The following AGBL1 variants were observed in gnomAD, a reference collection of about 807,000 sequenced individuals.
AGBL1 encodes cytosolic carboxypeptidase 4.
Under a neutral mutation model 118.9 loss-of-function variants are expected in AGBL1, and 130 were observed. The observed-to-expected ratio is 1.09, with a 90% CI of 0.95 to 1.26. The LOEUF (loss-of-function observed/expected upper bound fraction) is 1.26. AGBL1 is among the 50% of genes most tolerant of loss of function. The probability of loss-of-function intolerance (pLI) is 0.00; values close to 1 mark genes in which losing one functional copy is unlikely to be tolerated. For missense variants in AGBL1, 1,584 were observed against 1,298.1 expected, an observed-to-expected ratio of 1.22 and a Z score of -3.38; for synonymous variants, 555 against 478.9, an observed-to-expected ratio of 1.16 and a Z score of -2.08.
At chr15:86,200,412 G>A (rs978565286) in intron 5 of AGBL1, among the ~76,000 whole-genome samples, 1 of 152,028 alleles carries the variant, frequency 6.6e-6, no homozygotes, top group Non-Finnish European at 1.5e-5. Context: ...GCATTTTTCT[G>A]TACAACAGTG....
intron 17 of AGBL1, among the ~76,000 whole-genome samples, chr15:86,359,557 A>ATTT (rs146375579): frequency 2.7e-5 from 4 of 148,432 alleles, no homozygotes; most frequent in Non-Finnish European, 6.0e-5. Context: ...TTTTAGGACA[A>ATTT]TTTTTTTTTT....
At chr15:86,397,275 T>C (rs1386520949) in intron 17 of AGBL1, 91 bp from the exon 18 acceptor site, 4 of 898,536 alleles carry the variant, frequency 4.5e-6, no homozygotes, top group Non-Finnish European at 6.2e-6. Flanking sequence ...TAAAAATTAG[T>C]ATCAAAGAAG....
chr15:86,885,745 A>G (rs547243452), intron 22 of AGBL1, among the ~76,000 whole-genome samples: 95 of 152,324 alleles, frequency 6.2e-4, no homozygotes, highest in Non-Finnish European at 1.1e-3. Flanking sequence ...TCCAGAGTCA[A>G]TGGTAGGTGG....
chr15:86,247,081 A>G (rs138784400), intron 6 of AGBL1, among the ~76,000 whole-genome samples: 4 of 152,354 alleles, frequency 2.6e-5, no homozygotes, highest in African/African-American at 9.6e-5. Context: ...ACATAACCCC[A>G]GTTTATCAAA....
At chr15:86,292,524 G>C (rs116576360) in intron 16 of AGBL1, among the ~76,000 whole-genome samples, 97 of 152,304 alleles carry the variant, frequency 6.4e-4, no homozygotes, top group Middle Eastern at 3.4e-3. Flanking sequence ...TACAAAATTT[G>C]TGATGATTCC....
intron 22 of AGBL1, among the ~76,000 whole-genome samples, chr15:86,810,170 A>G (rs1449287863): frequency 1.3e-5 from 2 of 152,126 alleles, no homozygotes; most frequent in East Asian, 1.9e-4. Context: ...TTTCCTCGGG[A>G]CTAAGTAGAT....
intron 13 of AGBL1, among the ~76,000 whole-genome samples, chr15:86,267,495 T>G (rs2079093307): frequency 6.6e-6 from 1 of 152,224 alleles, no homozygotes; most frequent in African/African-American, 2.4e-5. Flanking sequence ...CACTTCTCTA[T>G]GCCTGTTGCT....
rs779403324 is a variant in AGBL1 at position 86,194,628 on chromosome 15, C to T, written c.489-30286C>T. Among the ~76,000 whole-genome samples, 20 of 152,264 alleles carry T rather than the reference C, an allele frequency of 1.3e-4. No individual in the cohort carries two copies. The South Asian group carries it at 2.7e-3, about 21-fold the overall frequency. On this transcript the variant is annotated intron_variant, in intron 5 of 22. Coordinates refer to ENST00000614907, the MANE Select transcript of AGBL1 (RefSeq NM_001386094.1). ...ACCAGTTGTGTAACTTATTTTCCTA[C>T]GATAACCTGGGTGATAGCCAACAGG...
intron 18 of AGBL1, among the ~76,000 whole-genome samples, chr15:86,487,019 G>T (rs114088185): frequency 6.6e-6 from 1 of 151,948 alleles, no homozygotes; most frequent in African/African-American, 2.4e-5. Context: ...CAACGGTGCC[G>T]CACGCTCCTT....
intron 22 of AGBL1, among the ~76,000 whole-genome samples, chr15:86,750,314 T>A (rs1297908346): frequency 6.6e-6 from 1 of 151,984 alleles, no homozygotes; most frequent in African/African-American, 2.4e-5. Flanking sequence ...ATTTATGGGG[T>A]ACAGATTGGT....
intron 22 of AGBL1, among the ~76,000 whole-genome samples, chr15:86,755,860 G>T (rs2077931007): frequency 6.6e-6 from 1 of 152,148 alleles, no homozygotes; most frequent in Non-Finnish European, 1.5e-5. Flanking sequence ...ATGAGGTAGT[G>T]TTGGGGAGGA....
chr15:86,699,799 C>T (rs1175996099), intron 22 of AGBL1, among the ~76,000 whole-genome samples: 1 of 152,012 alleles, frequency 6.6e-6, no homozygotes, highest in Non-Finnish European at 1.5e-5. Context: ...CAAGCTTCCC[C>T]TCTGTATAGT....
At chr15:86,090,207 G>GATTCC (rs1326618557) in intron 1 of AGBL1, among the ~76,000 whole-genome samples, 4 of 152,066 alleles carry the variant, frequency 2.6e-5, no homozygotes, top group Non-Finnish European at 5.9e-5. Context: ...TCTGACTCCA[G>GATTCC]ATTCCATTCC....
chr15:86,217,425 T>C (rs1567133496), intron 5 of AGBL1, among the ~76,000 whole-genome samples: 1 of 152,178 alleles, frequency 6.6e-6, no homozygotes, highest in Non-Finnish European at 1.5e-5. Flanking sequence ...AAACAAAACA[T>C]GTTTCCTATT....
chr15:86,280,007 A>G (rs917664920), intron 16 of AGBL1, among the ~76,000 whole-genome samples: 1 of 152,210 alleles, frequency 6.6e-6, no homozygotes, highest in African/African-American at 2.4e-5. Flanking sequence ...TTGATCAGTG[A>G]CATTCCAAAG....
At chr15:86,546,801 A>G (rs2083590008) in intron 20 of AGBL1, among the ~76,000 whole-genome samples, 1 of 152,198 alleles carries the variant, frequency 6.6e-6, no homozygotes. Context: ...GATAAAGGCA[A>G]CAAGCTATTG....
chr15:86,191,348 C>CAAAAAAAAAAACAAAAAAAAAAAAAA (rs2077717216), intron 5 of AGBL1, among the ~76,000 whole-genome samples: 1 of 65,118 alleles, frequency 1.5e-5, no homozygotes, highest in African/African-American at 8.3e-5. Context: ...AACTTTGTCT[C>CAAAAAAAAAAACAAAAAAAAAAAAAA]AAAAAAAAAA....
chr15:86,614,057 A>T (rs1255099110), intron 21 of AGBL1, among the ~76,000 whole-genome samples: 5 of 152,218 alleles, frequency 3.3e-5, no homozygotes, highest in Non-Finnish European at 7.3e-5. Context: ...CTAAGAACAG[A>T]AGAATGTGCA....
At chr15:86,384,076 TTGG>T (rs2081149073) in intron 17 of AGBL1, among the ~76,000 whole-genome samples, 1 of 152,144 alleles carries the variant, frequency 6.6e-6, no homozygotes, top group Non-Finnish European at 1.5e-5. Context: ...CCATCTCATT[TTGG>T]TGATGTGTCT....
Sources: allele counts gnomAD v4.1 joint callset (sites outside exome capture counted in the v4.1 genomes callset), GRCh38; gene constraint gnomAD v4.1.1; transcripts MANE v1.5; gene names NCBI Gene and HGNC (gene_info 2026-07-23, HGNC 2026-07-21).